The following WWTR1 variants were observed in gnomAD, a reference collection of about 807,000 sequenced individuals.
The protein encoded by WWTR1 is WW domain containing transcription regulator 1.
WWTR1 carries 13 observed loss-of-function variants against 40.1 expected under a neutral mutation model. That is an observed-to-expected ratio of 0.32 (90% confidence interval 0.21 to 0.52). WWTR1 has a LOEUF of 0.52. Among genes scored for constraint, WWTR1 ranks in the 20% least tolerant of loss-of-function variants. The pLI is 0.97. For synonymous variants in WWTR1, 230 were observed against 210.1 expected (o/e 1.09, Z -0.82); for missense variants, 436 against 523.1 (o/e 0.83, Z 1.63).
rs116189731 is a variant in WWTR1, at chr3:149,708,969, A to G, written n.585-5641T>C. ...TTCCAGTTTCTTCACAACCTCACCA[A>G]TACTTATCTTTTTATTTGGTTTTAT... On this transcript the variant is annotated intron_variant and non_coding_transcript_variant, in intron 5 of 6. Transcript: ENST00000474080. Among the ~76,000 whole-genome samples, 484 of 152,086 alleles carry G rather than the reference A, an allele frequency of 3.2e-3. 2 individuals carry two copies. The highest frequency in any genetic ancestry group is 0.01 in the African/African-American group (419 of 41,522).
At chr3:149,698,239 A>G (rs58330011) in intron 1 of WWTR1, among the ~76,000 whole-genome samples, 6,570 of 152,266 alleles carry the variant, frequency 0.043, 255 homozygotes, top group African/African-American at 0.11. Flanking sequence ...GGTGAAGATA[A>G]TTGAATCATG....
At chr3:149,616,846 C>T (rs1199792162) in intron 2 of WWTR1, among the ~76,000 whole-genome samples, 1 of 152,094 alleles carries the variant, frequency 6.6e-6, no homozygotes, top group Admixed American at 6.5e-5. Flanking sequence ...AGGACAAAGG[C>T]CATGTACTTA....
intron 4 of WWTR1, among the ~76,000 whole-genome samples, chr3:149,538,240 A>G (rs752463770): frequency 2.6e-5 from 4 of 152,194 alleles, no homozygotes; most frequent in Non-Finnish European, 4.4e-5. Context: ...ATTTTTTTCT[A>G]CTTAAAAAAA....
chr3:149,649,187 T>G (rs1468627551), intron 2 of WWTR1: 4 of 152,158 alleles, frequency 2.6e-5, no homozygotes, highest in South Asian at 2.1e-4. Flanking sequence ...AGACAGGGTT[T>G]CTCCATGTTG....
chr3:149,521,038 T>C (rs1420029753), intron 6 of WWTR1, 49 bp from the exon 7 acceptor site: 1 of 1,524,962 alleles, frequency 6.6e-7, no homozygotes, highest in Non-Finnish European at 8.8e-7. Flanking sequence ...TTTAGGCTCT[T>C]GAAGGAGGAA....
intron 4 of WWTR1, among the ~76,000 whole-genome samples, chr3:149,540,470 A>G (rs1341372363): frequency 6.6e-6 from 1 of 152,210 alleles, no homozygotes; most frequent in Non-Finnish European, 1.5e-5. Context: ...TCTTTGCAGA[A>G]TGGTCACAAC....
At chr3:149,615,932 C>CCT (rs139712454) in intron 2 of WWTR1, among the ~76,000 whole-genome samples, 169 of 152,234 alleles carry the variant, frequency 1.1e-3, no homozygotes, top group African/African-American at 3.9e-3. Context: ...AATGAATCAG[C>CCT]CTCTCTCTGT....
intron 2 of WWTR1, among the ~76,000 whole-genome samples, chr3:149,606,383 G>A (rs566173336): frequency 1.3e-5 from 2 of 152,244 alleles, no homozygotes; most frequent in South Asian, 4.2e-4. Flanking sequence ...CTGGCCCTAT[G>A]CATTCTTTTA....
intron 3 of WWTR1, among the ~76,000 whole-genome samples, chr3:149,548,602 A>G (rs1736475581): frequency 6.6e-6 from 1 of 152,244 alleles, no homozygotes; most frequent in South Asian, 2.1e-4. Flanking sequence ...GATCATGGAA[A>G]GAACAGCTGG....
intron 2 of WWTR1, among the ~76,000 whole-genome samples, chr3:149,612,750 T>C (rs1189479607): frequency 6.6e-6 from 1 of 152,198 alleles, no homozygotes; most frequent in African/African-American, 2.4e-5. Flanking sequence ...ATTTGTCATA[T>C]GAGAGATCAG....
At chr3:149,698,666 G>T (rs986415962) in intron 1 of WWTR1, among the ~76,000 whole-genome samples, 1 of 152,198 alleles carries the variant, frequency 6.6e-6, no homozygotes. Flanking sequence ...GGACACCCAG[G>T]CTTTTCCATA....
chr3:149,718,663 A>G (rs992387117), intron 4 of WWTR1, among the ~76,000 whole-genome samples: 1 of 152,172 alleles, frequency 6.6e-6, no homozygotes, highest in Admixed American at 6.5e-5. Context: ...CCTGGCAACC[A>G]TCATTCTACT....
intron 3 of WWTR1, among the ~76,000 whole-genome samples, chr3:149,557,061 C>CTTTTTATTTTTTT (rs1736861199): frequency 1.6e-5 from 1 of 64,356 alleles, no homozygotes; most frequent in Non-Finnish European, 2.7e-5. Flanking sequence ...CTGGAATCTT[C>CTTTTTATTTTTTT]TTTTTTTTTT....
intron 2 of WWTR1, among the ~76,000 whole-genome samples, chr3:149,645,081 T>C (rs1035455764): frequency 7.2e-6 from 1 of 138,580 alleles, no homozygotes; most frequent in African/African-American, 3.0e-5. Flanking sequence ...TTTTATTTTA[T>C]TTATTTTTTT....
At chr3:149,582,549 G>A (rs977035049) in intron 2 of WWTR1, among the ~76,000 whole-genome samples, 3 of 150,658 alleles carry the variant, frequency 2.0e-5, no homozygotes, top group African/African-American at 7.3e-5. Context: ...AACATAGGGA[G>A]ATCTTATCTC....
chr3:149,701,644 T>C (rs1439039194), intron 1 of WWTR1: 1 of 176,106 alleles, frequency 5.7e-6, no homozygotes, highest in Non-Finnish European at 1.2e-5. Flanking sequence ...GAAACTCCTA[T>C]GATCGATTAA....
chr3:149,547,459 G>A (rs1736419188), intron 3 of WWTR1, among the ~76,000 whole-genome samples: 1 of 152,052 alleles, frequency 6.6e-6, no homozygotes, highest in Non-Finnish European at 1.5e-5. Context: ...CCGGGACGTG[G>A]AGGTTGCAGT....
intron 1 of WWTR1, among the ~76,000 whole-genome samples, chr3:149,680,579 A>AAC (rs1230030642): frequency 6.6e-6 from 1 of 151,508 alleles, no homozygotes; most frequent in Non-Finnish European, 1.5e-5. Context: ...CAAACAAACA[A>AAC]AAAAACGTAT....
chr3:149,698,622 C>T (rs1189301431), intron 1 of WWTR1, among the ~76,000 whole-genome samples: 1 of 152,210 alleles, frequency 6.6e-6, no homozygotes, highest in Non-Finnish European at 1.5e-5. Flanking sequence ...GAGTTTCTCT[C>T]TAGGGGCTCC....
Sources: allele counts gnomAD v4.1 joint callset (sites outside exome capture counted in the v4.1 genomes callset), GRCh38; gene constraint gnomAD v4.1.1; transcripts MANE v1.5; gene names NCBI Gene and HGNC (gene_info 2026-07-23, HGNC 2026-07-21).